Variants in PDSS2 observed in about 807,000 individuals in gnomAD.
The protein encoded by PDSS2 is decaprenyl diphosphate synthase subunit 2.
A neutral mutation model predicts 44.5 loss-of-function variants in PDSS2; 31 were observed. The ratio of observed to expected loss-of-function variants is 0.70; its 90% CI spans 0.52 to 0.94. The LOEUF is 0.94. PDSS2 is among the 40% of genes least tolerant of loss of function. The pLI, the probability that PDSS2 is intolerant of heterozygous loss-of-function variation, is 0.00. For missense variants in PDSS2, 452 were observed against 482.2 expected (o/e 0.94, Z 0.59); for synonymous variants, 157 against 180.3 (o/e 0.87, Z 1.03).
rs77951179 is a variant in PDSS2 at position 107,188,941 on chromosome 6, A to G, written c.1041+4881T>C. Among the ~76,000 whole-genome samples the G allele has an allele frequency of 2.6e-5, 4 of 151,718 alleles. No individual in the cohort carries two copies. In the East Asian group the frequency reaches 7.8e-4, roughly 29 times the overall value. On this transcript the variant is annotated intron_variant, in intron 7 of 7. Transcript: ENST00000369037. ...TTTTTTGAGACAGGGTCTCACTCTC[A>G]CTCCCGTTGCCCAGGCTGGTGTACA...
At chr6:107,380,379 C>T (rs1414492597) in intron 1 of PDSS2, among the ~76,000 whole-genome samples, 1 of 152,108 alleles carries the variant, frequency 6.6e-6, no homozygotes, top group Non-Finnish European at 1.5e-5. Context: ...CAGTCTTTTT[C>T]CCCCTCCCTT....
rs778379122 is a variant in PDSS2 at position 107,212,278 on chromosome 6, C to G, written c.707G>C (p.Ser236Thr). The stretch of plus-strand genomic sequence containing the variant: ...TATTCCAATATCATCTGTGATATAA[C>G]TTTCCTAAAAATGTAACAAAAGCCA... ...VYHENSTSKESYITDDIGIST... is the reference protein window; with the variant it reads ...VYHENSTSKETYITDDIGIST... Residue 236 changes from serine (S) to threonine (T), a missense_variant, in exon 5 of 8, where the codon AGT becomes ACT. Coordinates refer to ENST00000369037, the MANE Select transcript of PDSS2 (RefSeq NM_020381.4). 6.2e-7 allele frequency: 1 copy of G among 1,609,664 alleles called. No individual in the cohort carries two copies. The highest frequency in any genetic ancestry group is 8.5e-7 in the Non-Finnish European group (1 of 1,177,138).
chr6:107,440,007 G>A (rs1437468201), intron 1 of PDSS2, among the ~76,000 whole-genome samples: 3 of 151,952 alleles, frequency 2.0e-5, no homozygotes, highest in Non-Finnish European at 4.4e-5. Context: ...TCAGTACTTG[G>A]CTAAATGTTA....
At chr6:107,410,023 G>C (rs1025959042) in intron 1 of PDSS2, among the ~76,000 whole-genome samples, 1 of 152,172 alleles carries the variant, frequency 6.6e-6, no homozygotes, top group Non-Finnish European at 1.5e-5. Context: ...AAAAGGTCTT[G>C]TGATGGAGTT....
intron 1 of PDSS2, among the ~76,000 whole-genome samples, chr6:107,339,235 T>TA (rs957165373): frequency 6.6e-6 from 1 of 152,244 alleles, no homozygotes; most frequent in Non-Finnish European, 1.5e-5. Context: ...TGTGATTCTA[T>TA]ATGGCCTCAC....
At chr6:107,455,366 T>C (rs76178356) in intron 1 of PDSS2, among the ~76,000 whole-genome samples, 1 of 151,586 alleles carries the variant, frequency 6.6e-6, no homozygotes, top group Non-Finnish European at 1.5e-5. Context: ...TGCTTTATGA[T>C]GGACTACAAT....
intron 1 of PDSS2, among the ~76,000 whole-genome samples, chr6:107,393,052 T>G (rs1396284963): frequency 6.6e-6 from 1 of 152,168 alleles, no homozygotes; most frequent in Non-Finnish European, 1.5e-5. Flanking sequence ...TTTATTTCAC[T>G]GATTCTGCTC....
chr6:107,228,715 TAAATAAACAAA>T lies in PDSS2; in HGVS notation c.703-16444_703-16434del, dbSNP rs1562392204. On this transcript the variant is annotated intron_variant, in intron 4 of 7. Transcript: ENST00000369037. The stretch of plus-strand genomic sequence containing the variant: ...ATCTCAAAATAAATAAATAAATAAA[TAAATAAACAAA>T]CAAACAAACAAACAAACAAACAAAA... Among the ~76,000 whole-genome samples, 3 of 116,264 alleles carry T rather than the reference TAAATAAACAAA, an allele frequency of 2.6e-5. No individual in the cohort carries two copies. In the South Asian group the frequency reaches 9.0e-4, roughly 35 times the overall value. The allele number at this position is 116,264 out of a possible 152,430, so 76.3% of individuals were successfully genotyped here. A position where few individuals can be genotyped will look rare whatever the true frequency, so the allele number is the denominator to read the frequency against.
chr6:107,295,696 T>C (rs948149940), intron 2 of PDSS2, among the ~76,000 whole-genome samples: 2 of 152,084 alleles, frequency 1.3e-5, no homozygotes, highest in Non-Finnish European at 2.9e-5. Context: ...TTTTACCAAA[T>C]TGCCAGGTAA....
At chr6:107,202,015 A>C (rs1010842197) in intron 6 of PDSS2, among the ~76,000 whole-genome samples, 3 of 152,168 alleles carry the variant, frequency 2.0e-5, no homozygotes, top group African/African-American at 7.2e-5. Flanking sequence ...GTCCCTAAGA[A>C]CACTGACATT....
At chr6:107,207,183 G>A (rs1020647019) in intron 6 of PDSS2, among the ~76,000 whole-genome samples, 7 of 151,958 alleles carry the variant, frequency 4.6e-5, no homozygotes, top group Non-Finnish European at 7.4e-5. Flanking sequence ...TACTAGAGAC[G>A]GGGTTTCACC....
chr6:107,424,036 C>CATTTTTTTTTTTT lies in PDSS2; in HGVS notation c.296+34953_296+34954insAAAAAAAAAAAAT, dbSNP rs1554279679. On this transcript the variant is annotated intron_variant, in intron 1 of 7. Coordinates refer to ENST00000369037, the MANE Select transcript of PDSS2 (RefSeq NM_020381.4). ...AATTATGATTATTTTTATCTTGCATCTTTTTTTTTTTTTTTTTTTTTTTGG... is the reference window on the plus strand; with the variant it reads ...AATTATGATTATTTTTATCTTGCATCATTTTTTTTTTTTTTTTTTTTTTTTTTTTTTTTTTTGG... Among the ~76,000 whole-genome samples, 3 of 90,586 alleles carry CATTTTTTTTTTTT rather than the reference C, an allele frequency of 3.3e-5. 1 individual carries two copies. Among genetic ancestry groups the CATTTTTTTTTTTT allele is most frequent in the Non-Finnish European group, 2.1e-5 (1 of 47,158 alleles). 59.4% of individuals were successfully genotyped at this position (90,586 alleles called of 152,430 possible). A position where few individuals can be genotyped will look rare whatever the true frequency, so the allele number is the denominator to read the frequency against.
At chr6:107,339,002 G>A (rs1777996171) in intron 1 of PDSS2, among the ~76,000 whole-genome samples, 1 of 152,090 alleles carries the variant, frequency 6.6e-6, no homozygotes, top group Admixed American at 6.6e-5. Flanking sequence ...GGGATTACAG[G>A]GGCGAACCAC....
chr6:107,239,634 CTTTT>C (rs1177940710), intron 4 of PDSS2, among the ~76,000 whole-genome samples: 1 of 76,926 alleles, frequency 1.3e-5, no homozygotes, highest in Non-Finnish European at 2.3e-5. Context: ...TGTACTCTAC[CTTTT>C]TTTTTTTTTT....
chr6:107,275,758 G>A (rs1775759150), intron 2 of PDSS2, among the ~76,000 whole-genome samples: 1 of 152,158 alleles, frequency 6.6e-6, no homozygotes, highest in South Asian at 2.1e-4. Flanking sequence ...CTGAAGGAAT[G>A]GCAAACTCTT....
chr6:107,253,887 G>A (rs765087939), intron 3 of PDSS2, among the ~76,000 whole-genome samples: 2 of 152,104 alleles, frequency 1.3e-5, no homozygotes, highest in African/African-American at 4.8e-5. Flanking sequence ...TTTCAGTGAG[G>A]TGTGGTAGCT....
At chr6:107,204,661 A>G (rs1772910976) in intron 6 of PDSS2, among the ~76,000 whole-genome samples, 1 of 152,182 alleles carries the variant, frequency 6.6e-6, no homozygotes, top group African/African-American at 2.4e-5. Flanking sequence ...ACTATCTCAC[A>G]TATTATTAAT....
At position 107,458,993 on chromosome 6, in the gene PDSS2, G is replaced by A. The variant is rs749113501; in HGVS notation, c.293C>T (p.Ala98Val). ...VGTQHPLLTTARGLVHDSWNS... is the reference protein window; with the variant it reads ...VGTQHPLLTTVRGLVHDSWNS... ...CAGCGGGAGAGGGGTAGCTCACCTGGCTGTGGTAAGCAGAGGGTGCTGAGT... is the reference window on the plus strand; with the variant it reads ...CAGCGGGAGAGGGGTAGCTCACCTGACTGTGGTAAGCAGAGGGTGCTGAGT... Residue 98 changes from alanine (A) to valine (V), a missense_variant, in exon 1 of 8, where the codon GCC becomes GTC. Coordinates refer to ENST00000369037, the MANE Select transcript of PDSS2 (RefSeq NM_020381.4). 8.1e-6 allele frequency: 13 copies of A among 1,613,570 alleles called. No homozygotes were observed. Among genetic ancestry groups the A allele is most frequent in the South Asian group, 4.4e-5 (4 of 91,072 alleles).
chr6:107,252,362 G>A (rs765657524), intron 3 of PDSS2, among the ~76,000 whole-genome samples: 3 of 152,104 alleles, frequency 2.0e-5, no homozygotes, highest in Non-Finnish European at 2.9e-5. Context: ...TTTTTTGAAG[G>A]GAGCCTTTTC....
Sources: gnomAD v4.1 joint callset for allele counts (sites outside exome capture counted in the v4.1 genomes callset) on GRCh38, gnomAD v4.1.1 for gene constraint, MANE v1.5 for transcripts, NCBI Gene and HGNC (gene_info 2026-07-23, HGNC 2026-07-21) for gene names.